ANKMY1: variants seen among roughly 807,000 people sequenced by gnomAD.
ANKMY1 encodes ankyrin repeat and MYND domain containing 1, also known as ankyrin repeat and MYND domain-containing protein 1.
ANKMY1 carries 98 observed loss-of-function variants against 102.0 expected under a neutral mutation model. The observed-to-expected ratio is 0.96, with a 90% CI of 0.82 to 1.14. ANKMY1 has a LOEUF of 1.14. Among genes scored for constraint, ANKMY1 ranks in the 50% most tolerant of loss-of-function variants. The pLI is 0.00. For synonymous variants in ANKMY1, 582 were observed against 559.9 expected, an observed-to-expected ratio of 1.04 and a Z score of -0.56; for missense variants, 1,330 against 1,347.6, an observed-to-expected ratio of 0.99 and a Z score of 0.20.
At chr2:240,523,147 C>T (rs1268318854) in intron 8 of ANKMY1, 2 of 152,156 alleles carry the variant, frequency 1.3e-5, no homozygotes, top group East Asian at 1.9e-4. Flanking sequence ...CCAGAATATT[C>T]GAGGGGTGTG....
intron 9 of ANKMY1, among the ~76,000 whole-genome samples, chr2:240,516,881 GAAAT>G (rs1292237364): frequency 6.6e-6 from 1 of 152,214 alleles, no homozygotes; most frequent in East Asian, 1.9e-4. Context: ...ACGGAGGACC[GAAAT>G]AATTGTTAAT....
intron 4 of ANKMY1, among the ~76,000 whole-genome samples, chr2:240,546,546 A>G (rs1394787147): frequency 6.6e-6 from 1 of 152,216 alleles, no homozygotes; most frequent in Non-Finnish European, 1.5e-5. Context: ...AAATGCTCCA[A>G]TTAAAAGACA....
At chr2:240,525,935 A>G (rs1252572018) in intron 6 of ANKMY1, 86 bp from the exon 7 acceptor site, 3 of 1,489,332 alleles carry the variant, frequency 2.0e-6, no homozygotes, top group Non-Finnish European at 2.8e-6. Context: ...TGCCCTCATG[A>G]GGCCACCCTA....
At chr2:240,469,968 A>G in the ANKMY1 span, among the ~76,000 whole-genome samples, 2 of 152,010 alleles carry the variant, frequency 1.3e-5, no homozygotes, top group Admixed American at 6.6e-5. Context: ...GCACAGGCCT[A>G]TGCACGTGCA....
chr2:240,552,688 AAGGAC>A (rs2091727359), intron 4 of ANKMY1: 1 of 606,460 alleles, frequency 1.6e-6, no homozygotes, highest in Non-Finnish European at 2.8e-6. Flanking sequence ...CTTAAATCTA[AAGGAC>A]ATGTAACAAT....
At chr2:240,560,692 C>A, upstream of ANKMY1, 1 of 1,524,366 alleles carries the variant, frequency 6.6e-7, no homozygotes, top group Non-Finnish European at 8.7e-7. Flanking sequence ...GCCATGGGAC[C>A]GGCAGAAGCT....
intron 4 of ANKMY1, among the ~76,000 whole-genome samples, chr2:240,548,428 G>A (rs1559378737): frequency 1.3e-5 from 2 of 152,146 alleles, no homozygotes; most frequent in Non-Finnish European, 2.9e-5. Flanking sequence ...GCAAAAACTG[G>A]AAGCATTCCC....
Position 240,479,562 on chromosome 2 carries a change from C to G in ANKMY1, c.*47G>C, listed in dbSNP as rs778286794. ...AGGTGGCTCAGGCAGGTAAGAAACCCACACAGTCCTGGGTCCTCCCCAAGC... is the reference window on the plus strand; with the variant it reads ...AGGTGGCTCAGGCAGGTAAGAAACCGACACAGTCCTGGGTCCTCCCCAAGC... On this transcript the variant is annotated 3_prime_UTR_variant, in exon 18 of 18. Coordinates refer to ENST00000401804, the MANE Select transcript of ANKMY1 (RefSeq NM_001282771.3). The G allele has an allele frequency of 6.2e-7, 1 of 1,606,708 alleles. No individual in the cohort carries two copies. The highest frequency in any genetic ancestry group is 1.7e-5 in the Admixed American group (1 of 59,800).
At chr2:240,510,434 C>T (rs1328795328) in intron 11 of ANKMY1, among the ~76,000 whole-genome samples, 1 of 152,038 alleles carries the variant, frequency 6.6e-6, no homozygotes, top group Non-Finnish European at 1.5e-5. Flanking sequence ...ATTGTGCAAT[C>T]CTCAGCTGCT....
At chr2:240,527,095 G>T in intron 5 of ANKMY1, 1 of 477,416 alleles carries the variant, frequency 2.1e-6, no homozygotes, top group Non-Finnish European at 2.7e-6. Flanking sequence ...TGGGTGGGTG[G>T]ATGAATGGAT....
At chr2:240,491,020 G>C (rs189749202) in intron 15 of ANKMY1, among the ~76,000 whole-genome samples, 1 of 151,020 alleles carries the variant, frequency 6.6e-6, no homozygotes, top group Non-Finnish European at 1.5e-5. Flanking sequence ...CCAGTGTTGG[G>C]TGCATATATA....
At chr2:240,498,096 C>A (rs1459902255) in intron 15 of ANKMY1, among the ~76,000 whole-genome samples, 1 of 152,066 alleles carries the variant, frequency 6.6e-6, no homozygotes, top group Non-Finnish European at 1.5e-5. Context: ...AGGAAGTAGC[C>A]TCAGCAAAGG....
At chr2:240,475,571 G>C (rs2074800250), downstream of ANKMY1, among the ~76,000 whole-genome samples, 1 of 151,464 alleles carries the variant, frequency 6.6e-6, no homozygotes, top group South Asian at 2.1e-4. Context: ...GGAGGTAAAG[G>C]ATCCTCACTT....
chr2:240,515,192 C>A (rs894755587), intron 9 of ANKMY1, among the ~76,000 whole-genome samples: 2 of 152,192 alleles, frequency 1.3e-5, no homozygotes, highest in African/African-American at 2.4e-5. Context: ...AGTGTCTGGG[C>A]CCCAGTGTCA....
intron 9 of ANKMY1, among the ~76,000 whole-genome samples, chr2:240,514,574 C>T (rs1459303479): frequency 6.6e-6 from 1 of 152,226 alleles, no homozygotes; most frequent in Non-Finnish European, 1.5e-5. Flanking sequence ...AAGAGGGTAA[C>T]ATGGTGACAT....
intron 4 of ANKMY1, among the ~76,000 whole-genome samples, chr2:240,544,712 G>A (rs1045997761): frequency 5.3e-5 from 8 of 152,186 alleles, no homozygotes; most frequent in African/African-American, 1.9e-4. Context: ...CAAGGGGTCA[G>A]GGAGTTCCCT....
At chr2:240,474,429 C>A (rs114889208), downstream of ANKMY1, among the ~76,000 whole-genome samples, 3,084 of 152,092 alleles carry the variant, frequency 0.02, 39 homozygotes, top group Non-Finnish European at 0.03. Context: ...TAAAAAACAA[C>A]TTTTAGGTTC....
In ANKMY1 at chr2:240,524,117, C is replaced by T; in HGVS notation, c.1600G>A (p.Val534Met). The change falls in exon 8 of 18, where the codon GTG becomes ATG. Residue 534 changes from valine (V) to methionine (M), a missense_variant. Val to Met is a conservative substitution (Grantham distance 21, BLOSUM62 1). Coordinates refer to ENST00000401804, the MANE Select transcript of ANKMY1 (RefSeq NM_001282771.3). ...SPLVKGSLGH[V>M]ESGLEDVLGN... Reference sequence around the variant, plus strand: ...AACACGTCCTCAAGCCCGCTTTCCACATGGCCAAGGCTGCCCTTCACCAAC... The same window carrying T: ...AACACGTCCTCAAGCCCGCTTTCCATATGGCCAAGGCTGCCCTTCACCAAC... 6.2e-7 allele frequency: 1 copy of T among 1,614,086 alleles called. No individual in the cohort carries two copies. Among genetic ancestry groups the T allele is most frequent in the South Asian group, 1.1e-5 (1 of 91,088 alleles).
At chr2:240,518,754 T>C (rs2081611142) in intron 9 of ANKMY1, among the ~76,000 whole-genome samples, 1 of 152,246 alleles carries the variant, frequency 6.6e-6, no homozygotes, top group Non-Finnish European at 1.5e-5. Flanking sequence ...GTTTAAAGGT[T>C]GTGACCTTAA....
Sources: allele counts gnomAD v4.1 joint callset (sites outside exome capture counted in the v4.1 genomes callset), GRCh38; gene constraint gnomAD v4.1.1; transcripts MANE v1.5; gene names NCBI Gene and HGNC (gene_info 2026-07-23, HGNC 2026-07-21).